Variants in NBDY observed in about 807,000 individuals in gnomAD.
The protein encoded by NBDY is P-body dissociating protein.
chrX:56,780,750 A>AC (rs2069680836), intron 2 of NBDY, among the ~76,000 whole-genome samples: 2 of 46,220 alleles, frequency 4.3e-5, no homozygotes, highest in African/African-American at 1.7e-4. Context: ...AACAGGAGTC[A>AC]CCCCCTTTCT....
intron 2 of NBDY, among the ~76,000 whole-genome samples, chrX:56,750,464 AAAT>A (rs1203686510): frequency 3.2e-5 from 2 of 63,313 alleles, no homozygotes; most frequent in Non-Finnish European, 9.5e-5. Context: ...GTCCTGGGTT[AAAT>A]AAAAAAAATA....
intron 2 of NBDY, among the ~76,000 whole-genome samples, chrX:56,792,679 A>T (rs967514470): frequency 1.1e-4 from 12 of 111,228 alleles, no homozygotes; most frequent in African/African-American, 3.9e-4. Flanking sequence ...ACAGACACAC[A>T]CACCCCACCA....
intron 2 of NBDY, among the ~76,000 whole-genome samples, chrX:56,735,210 C>G (rs1195291331): frequency 1.8e-5 from 2 of 112,395 alleles, no homozygotes. Flanking sequence ...GAGCCAAATA[C>G]TAGATCTACT....
At chrX:56,789,325 C>G (rs1421254048) in intron 2 of NBDY, among the ~76,000 whole-genome samples, 1 of 111,263 alleles carries the variant, frequency 9.0e-6, no homozygotes, top group African/African-American at 3.3e-5. Context: ...CTCATGAAAT[C>G]CCACCCTTAG....
intron 2 of NBDY, among the ~76,000 whole-genome samples, chrX:56,732,922 A>T (rs1258716804): frequency 9.0e-6 from 1 of 110,934 alleles, no homozygotes; most frequent in African/African-American, 3.3e-5. Context: ...TTTTGCTTTC[A>T]TCGAGCCTCG....
chrX:56,755,733 T>G (rs372553052), intron 2 of NBDY, among the ~76,000 whole-genome samples: 1 of 109,819 alleles, frequency 9.1e-6, no homozygotes, highest in Admixed American at 9.7e-5. Context: ...GTCAGTGTGG[T>G]GATTCCTCAG....
chrX:56,786,168 A>G (rs1263184409), intron 2 of NBDY, among the ~76,000 whole-genome samples: 2 of 109,324 alleles, frequency 1.8e-5, no homozygotes, highest in Non-Finnish European at 3.8e-5. Flanking sequence ...GGCCTTGTAG[A>G]CTTGGTGCTG....
At chrX:56,804,436 C>G (rs1443942670) in intron 2 of NBDY, among the ~76,000 whole-genome samples, 1 of 112,268 alleles carries the variant, frequency 8.9e-6, no homozygotes, top group Non-Finnish European at 1.9e-5. Flanking sequence ...GGCGGCTCTC[C>G]TAGAGAAAGC....
At chrX:56,767,141 C>T (rs2069670038) in intron 2 of NBDY, among the ~76,000 whole-genome samples, 1 of 113,668 alleles carries the variant, frequency 8.8e-6, no homozygotes, top group South Asian at 3.5e-4. Context: ...TGATCCCAGT[C>T]CTTCTGCCGT....
chrX:56,766,455 C>A (rs185286682), intron 2 of NBDY, among the ~76,000 whole-genome samples: 1 of 111,690 alleles, frequency 9.0e-6, no homozygotes, highest in Non-Finnish European at 1.9e-5. Context: ...GACAAAAACA[C>A]GCTTACACAT....
chrX:56,796,294 C>G (rs774897057), intron 2 of NBDY, among the ~76,000 whole-genome samples: 4 of 112,218 alleles, frequency 3.6e-5, no homozygotes, highest in African/African-American at 6.5e-5. Flanking sequence ...CCACAGGAGG[C>G]CACTTGGGCT....
At chrX:56,798,232 T>A (rs1456262034) in intron 2 of NBDY, among the ~76,000 whole-genome samples, 1 of 112,355 alleles carries the variant, frequency 8.9e-6, no homozygotes, top group East Asian at 2.8e-4. Context: ...GCAGCAGATG[T>A]GAAACTGGAG....
At chrX:56,760,900 G>A (rs774220396) in intron 2 of NBDY, among the ~76,000 whole-genome samples, 1 of 111,336 alleles carries the variant, frequency 9.0e-6, no homozygotes, top group African/African-American at 3.3e-5. Context: ...GCATGATGTG[G>A]GGAGGTTGCA....
chrX:56,764,762 C>T (rs1482237160), intron 2 of NBDY, among the ~76,000 whole-genome samples: 1 of 107,434 alleles, frequency 9.3e-6, no homozygotes, highest in East Asian at 2.9e-4. Context: ...TACAGCAGGG[C>T]TTCCCATCTA....
In NBDY at chrX:56,729,347, A is replaced by T. The variant is rs531480136; in HGVS notation, c.-7A>T. ...GAGAAAACTGACGACCCGTTTCTGT[A>T]ATCCTTATGGGAGACCAACCTTGTG... On this transcript the variant is annotated 5_prime_UTR_variant, in exon 1 of 3. Coordinates refer to ENST00000374922, the MANE Select transcript of NBDY (RefSeq NM_001348129.2). 118 of 293,932 alleles carry T rather than the reference A, an allele frequency of 4.0e-4. 3 individuals carry two copies. In the South Asian group the frequency reaches 0.024, roughly 59 times the overall value. The allele number at this position is 293,932 out of a possible 1,213,427, so 24.2% of individuals were successfully genotyped here.
chrX:56,786,195 C>T (rs926586049), intron 2 of NBDY, among the ~76,000 whole-genome samples: 3 of 110,386 alleles, frequency 2.7e-5, no homozygotes, highest in South Asian at 4.0e-4. Context: ...CCCTTGTAGT[C>T]GGCTGATGAC....
intron 2 of NBDY, among the ~76,000 whole-genome samples, chrX:56,762,792 A>C (rs2069644529): frequency 9.0e-6 from 1 of 111,249 alleles, no homozygotes; most frequent in Non-Finnish European, 1.9e-5. Context: ...GAAGGCACCC[A>C]CAAACCATAG....
At chrX:56,733,210 T>G (rs907884076) in intron 2 of NBDY, among the ~76,000 whole-genome samples, 6 of 111,067 alleles carry the variant, frequency 5.4e-5, no homozygotes, top group African/African-American at 1.9e-4. Flanking sequence ...GGTTTGTTTT[T>G]TTTCAATTTC....
intron 2 of NBDY, among the ~76,000 whole-genome samples, chrX:56,781,292 A>G (rs910797367): frequency 9.0e-6 from 1 of 111,679 alleles, no homozygotes; most frequent in Non-Finnish European, 1.9e-5. Flanking sequence ...GGTAGTTGTT[A>G]AGCTTTCACG....
Sources: allele counts gnomAD v4.1 joint callset (sites outside exome capture counted in the v4.1 genomes callset), GRCh38; gene constraint gnomAD v4.1.1; transcripts MANE v1.5; gene names NCBI Gene and HGNC (gene_info 2026-07-23, HGNC 2026-07-21).